The following GPC5 variants were observed in gnomAD, a reference collection of about 807,000 sequenced individuals.
The protein encoded by GPC5 is glypican 5.
Under a neutral mutation model 53.9 loss-of-function variants are expected in GPC5, and 47 were observed. The observed-to-expected ratio is 0.87, with a 90% CI of 0.69 to 1.11. GPC5 has a LOEUF of 1.11. Ranked by LOEUF, GPC5 falls within the 50% of genes most tolerant of loss-of-function variation. The pLI is 0.00. For synonymous variants in GPC5, 286 were observed against 263.3 expected (o/e 1.09, Z -0.84); for missense variants, 748 against 713.1 (o/e 1.05, Z -0.56).
At chr13:92,020,626 A>T (rs542049381) in intron 6 of GPC5, among the ~76,000 whole-genome samples, 1 of 147,242 alleles carries the variant, frequency 6.8e-6, no homozygotes, top group African/African-American at 2.5e-5. Flanking sequence ...CCATTTGTAT[A>T]TTTTCTTTGG....
chr13:92,178,834 G>A lies in GPC5; in HGVS notation c.1561+33845G>A, dbSNP rs151004455. Among the ~76,000 whole-genome samples the A allele has an allele frequency of 6.6e-3, 1,011 of 152,176 alleles. 18 individuals carry two copies. The highest frequency in any genetic ancestry group is 0.023 in the African/African-American group (959 of 41,510). Reference sequence around the variant, plus strand: ...TACTAAAAATACAAAAAATTAGCCAGGTGTGGTGGCCCTGTAGTCCCAGCT... The same window carrying A: ...TACTAAAAATACAAAAAATTAGCCAAGTGTGGTGGCCCTGTAGTCCCAGCT... On this transcript the variant is annotated intron_variant, in intron 7 of 7. Coordinates refer to ENST00000377067, the MANE Select transcript of GPC5 (RefSeq NM_004466.6).
At chr13:91,963,561 G>C (rs1042022390) in intron 6 of GPC5, among the ~76,000 whole-genome samples, 2 of 151,366 alleles carry the variant, frequency 1.3e-5, no homozygotes, top group South Asian at 4.2e-4. Context: ...ATATGTAGCA[G>C]AGACACATTA....
intron 3 of GPC5, among the ~76,000 whole-genome samples, chr13:91,725,750 T>A (rs2036563234): frequency 6.6e-6 from 1 of 152,192 alleles, no homozygotes; most frequent in African/African-American, 2.4e-5. Flanking sequence ...AAATAGCAGT[T>A]ACAATCTGAG....
intron 7 of GPC5, among the ~76,000 whole-genome samples, chr13:92,327,007 C>T (rs997925027): frequency 3.9e-5 from 6 of 152,072 alleles, no homozygotes; most frequent in African/African-American, 1.2e-4. Context: ...CCCTATCTGC[C>T]TGAGCTAATC....
intron 6 of GPC5, among the ~76,000 whole-genome samples, chr13:92,001,983 T>C (rs777325233): frequency 2.0e-5 from 3 of 152,232 alleles, no homozygotes; most frequent in Non-Finnish European, 2.9e-5. Flanking sequence ...CCAAAATGAA[T>C]TGTGGACAAT....
At chr13:91,947,333 C>T (rs986395136) in intron 6 of GPC5, among the ~76,000 whole-genome samples, 6 of 152,092 alleles carry the variant, frequency 3.9e-5, no homozygotes, top group African/African-American at 1.4e-4. Flanking sequence ...ATCTCACTAC[C>T]TCTATTCTCC....
rs557077575 is a variant in GPC5 at position 92,589,140 on chromosome 13, T to A, written c.1562-277142T>A. ...GGTTACCAAATGCGTTCATGGTAGG[T>A]CCTAGTAAATTAGCACTAACGATGT... On this transcript the variant is annotated intron_variant, in intron 7 of 7. Transcript: ENST00000377067. 2.6e-5 allele frequency among the ~76,000 whole-genome samples: 4 copies of A among 152,288 alleles called. No homozygotes were observed. The South Asian group carries it at 8.3e-4, about 32-fold the overall frequency.
chr13:91,839,165 C>T (rs1174459230), intron 5 of GPC5, among the ~76,000 whole-genome samples: 2 of 152,020 alleles, frequency 1.3e-5, no homozygotes, highest in East Asian at 1.9e-4. Context: ...CTGTCATTTC[C>T]ATCTTAATGA....
chr13:92,262,235 A>C (rs1308933020), intron 7 of GPC5, among the ~76,000 whole-genome samples: 1 of 152,184 alleles, frequency 6.6e-6, no homozygotes, highest in Non-Finnish European at 1.5e-5. Flanking sequence ...CAAGTGCATT[A>C]TAACTAGAAG....
At chr13:92,148,742 T>C (rs2041886367) in intron 7 of GPC5, among the ~76,000 whole-genome samples, 1 of 152,054 alleles carries the variant, frequency 6.6e-6, no homozygotes, top group East Asian at 1.9e-4. Flanking sequence ...AGCTAACTGA[T>C]GAAGGTTCTA....
intron 6 of GPC5, among the ~76,000 whole-genome samples, chr13:92,054,185 T>C (rs2041055823): frequency 7.1e-6 from 1 of 140,918 alleles, no homozygotes; most frequent in African/African-American, 2.6e-5. Flanking sequence ...TGTGTGTGTG[T>C]AGGCTCAAAT....
intron 7 of GPC5, among the ~76,000 whole-genome samples, chr13:92,400,190 T>C (rs149705643): frequency 1.1e-4 from 17 of 152,292 alleles, no homozygotes; most frequent in African/African-American, 4.1e-4. Flanking sequence ...AGATAAAGCA[T>C]AAAGCGGCAC....
chr13:92,205,990 A>G (rs1425392183), intron 7 of GPC5, among the ~76,000 whole-genome samples: 14 of 147,778 alleles, frequency 9.5e-5, no homozygotes, highest in Admixed American at 9.4e-4. Context: ...TGCAGTGAGC[A>G]GAGATCGCAC....
chr13:91,596,917 C>A (rs182999474), intron 2 of GPC5, among the ~76,000 whole-genome samples: 2 of 152,230 alleles, frequency 1.3e-5, no homozygotes, highest in East Asian at 1.9e-4. Flanking sequence ...TACTCCAGAA[C>A]CCTCATTGAA....
At chr13:92,514,245 T>G (rs1314452473) in intron 7 of GPC5, among the ~76,000 whole-genome samples, 2 of 150,274 alleles carry the variant, frequency 1.3e-5, no homozygotes, top group African/African-American at 4.9e-5. Flanking sequence ...TCTCTCAAAT[T>G]TAGTGTTACT....
intron 7 of GPC5, among the ~76,000 whole-genome samples, chr13:92,355,382 T>TC (rs938815978): frequency 6.6e-6 from 1 of 151,950 alleles, no homozygotes; most frequent in Non-Finnish European, 1.5e-5. Context: ...AGGACACTGC[T>TC]CCCCCTGCAG....
chr13:91,408,466 A>G (rs1357580264), intron 1 of GPC5, among the ~76,000 whole-genome samples: 1 of 152,064 alleles, frequency 6.6e-6, no homozygotes, highest in Non-Finnish European at 1.5e-5. Context: ...ATGGATACCT[A>G]GGTTTATCTA....
intron 7 of GPC5, among the ~76,000 whole-genome samples, chr13:92,577,416 A>ATGTGTGTGTGTGTG (rs1455799151): frequency 2.1e-5 from 2 of 95,602 alleles, no homozygotes; most frequent in Non-Finnish European, 4.9e-5. Context: ...GTATGTATGT[A>ATGTGTGTGTGTGTG]TATGTGTGTG....
At chr13:92,173,076 A>G (rs2042082168) in intron 7 of GPC5, among the ~76,000 whole-genome samples, 1 of 151,664 alleles carries the variant, frequency 6.6e-6, no homozygotes, top group African/African-American at 2.4e-5. Context: ...TTGCTTATAG[A>G]TTCAATCAAT....
Sources: gnomAD v4.1 joint callset for allele counts (sites outside exome capture counted in the v4.1 genomes callset) on GRCh38, gnomAD v4.1.1 for gene constraint, MANE v1.5 for transcripts, NCBI Gene and HGNC (gene_info 2026-07-23, HGNC 2026-07-21) for gene names.